NRXN1: variants seen among roughly 807,000 people sequenced by gnomAD.
NRXN1 encodes neurexin 1, also known as neurexin-1.
Under a neutral mutation model 150.9 loss-of-function variants are expected in NRXN1, and 39 were observed. The observed-to-expected ratio is 0.26, with a 90% CI of 0.20 to 0.34. NRXN1 has a LOEUF of 0.34. Ranked by LOEUF, NRXN1 falls within the 10% of genes least tolerant of loss-of-function variation. The probability of loss-of-function intolerance (pLI) is 1.00; values close to 1 mark genes in which losing one functional copy is unlikely to be tolerated. For missense variants in NRXN1, 1,815 were observed against 1,949.9 expected, an observed-to-expected ratio of 0.93 and a Z score of 1.30; for synonymous variants, 924 against 757.0, an observed-to-expected ratio of 1.22 and a Z score of -3.62.
chr2:49,963,074 C>A (rs1307306523), intron 21 of NRXN1, among the ~76,000 whole-genome samples: 1 of 151,998 alleles, frequency 6.6e-6, no homozygotes, highest in African/African-American at 2.4e-5. Context: ...TATTTATATC[C>A]CGAGGATGCT....
intron 21 of NRXN1, among the ~76,000 whole-genome samples, chr2:49,954,418 A>G (rs960030050): frequency 2.0e-5 from 3 of 152,126 alleles, no homozygotes; most frequent in African/African-American, 7.2e-5. Flanking sequence ...CTCTCTCTAA[A>G]TTCTAAGTTC....
intron 5 of NRXN1, among the ~76,000 whole-genome samples, chr2:50,759,554 T>A (rs1038239790): frequency 6.6e-6 from 1 of 151,800 alleles, no homozygotes; most frequent in African/African-American, 2.4e-5. Flanking sequence ...AAGACTCCAA[T>A]GAGACAATTT....
At chr2:50,554,172 G>A (rs966226636) in intron 8 of NRXN1, among the ~76,000 whole-genome samples, 1 of 151,960 alleles carries the variant, frequency 6.6e-6, no homozygotes, top group African/African-American at 2.4e-5. Context: ...ATATGTATAT[G>A]TATACACACA....
chr2:50,157,060 A>T (rs911739970), intron 18 of NRXN1, among the ~76,000 whole-genome samples: 6 of 152,024 alleles, frequency 3.9e-5, no homozygotes, highest in Non-Finnish European at 8.8e-5. Context: ...TAAGTAGCCA[A>T]TTCAAAGACA....
chr2:50,953,649 G>T (rs753687318), intron 2 of NRXN1, among the ~76,000 whole-genome samples: 5 of 150,062 alleles, frequency 3.3e-5, no homozygotes, highest in Non-Finnish European at 7.4e-5. Context: ...ATCTGCCGCT[G>T]CCTCCCAGGT....
chr2:50,217,298 A>G (rs1318130647), intron 18 of NRXN1, among the ~76,000 whole-genome samples: 24 of 152,098 alleles, frequency 1.6e-4, no homozygotes, highest in Admixed American at 1.6e-3. Flanking sequence ...TCTCAATCAC[A>G]TCTTTAAAAA....
chr2:50,756,681 G>A (rs1054850013), intron 5 of NRXN1, among the ~76,000 whole-genome samples: 41 of 151,676 alleles, frequency 2.7e-4, no homozygotes, highest in Admixed American at 2.4e-3. Flanking sequence ...ATTTACATAC[G>A]GAATAGGTGG....
intron 17 of NRXN1, among the ~76,000 whole-genome samples, chr2:50,338,331 T>G (rs1241445697): frequency 6.6e-6 from 1 of 152,124 alleles, no homozygotes; most frequent in Non-Finnish European, 1.5e-5. Context: ...AAATGATCAA[T>G]TTTTCTACTA....
chr2:50,934,707 G>T (rs985878649), intron 2 of NRXN1, among the ~76,000 whole-genome samples: 2 of 151,986 alleles, frequency 1.3e-5, no homozygotes, highest in African/African-American at 2.4e-5. Context: ...ATTCAAAAAA[G>T]GAAATAATTA....
intron 5 of NRXN1, among the ~76,000 whole-genome samples, chr2:50,715,446 T>C (rs1270006055): frequency 1.3e-5 from 2 of 152,186 alleles, no homozygotes; most frequent in Admixed American, 1.3e-4. Flanking sequence ...AATAAGAAAC[T>C]GGATGTAAAA....
intron 21 of NRXN1, among the ~76,000 whole-genome samples, chr2:50,002,652 T>C (rs1684140226): frequency 6.6e-6 from 1 of 152,152 alleles, no homozygotes; most frequent in South Asian, 2.1e-4. Flanking sequence ...TATGTATTAC[T>C]GGCTTTCTGA....
chr2:50,505,142 ATACT>A (rs2092154699), intron 13 of NRXN1, among the ~76,000 whole-genome samples: 1 of 152,178 alleles, frequency 6.6e-6, no homozygotes, highest in South Asian at 2.1e-4. Flanking sequence ...GTCTGATAAA[ATACT>A]TTCTATAGAG....
At chr2:50,506,707 G>T (rs2092242832) in intron 12 of NRXN1, 90 bp from the exon 13 acceptor site, 3 of 1,297,020 alleles carry the variant, frequency 2.3e-6, no homozygotes, top group Non-Finnish European at 3.2e-6. Flanking sequence ...GACAAGGGGG[G>T]AAGGTGAGGG....
chr2:50,561,780 G>C (rs1669120546), intron 8 of NRXN1, among the ~76,000 whole-genome samples: 1 of 149,468 alleles, frequency 6.7e-6, no homozygotes, highest in Non-Finnish European at 1.5e-5. Context: ...AAAAATTGCA[G>C]TAATTTCCCC....
At chr2:50,239,694 A>T (rs2065822988) in intron 17 of NRXN1, among the ~76,000 whole-genome samples, 2 of 105,378 alleles carry the variant, frequency 1.9e-5, no homozygotes, top group African/African-American at 4.0e-5. Flanking sequence ...ATATATATAT[A>T]TATATATATA....
At chr2:50,737,137 T>C (rs142935485) in intron 5 of NRXN1, among the ~76,000 whole-genome samples, 133 of 152,136 alleles carry the variant, frequency 8.7e-4, no homozygotes, top group African/African-American at 3.1e-3. Flanking sequence ...TGCGTGCCTG[T>C]AATCCCAGCT....
In NRXN1 at chr2:50,623,412, A is replaced by C; in HGVS notation, c.1036T>G (p.Leu346Val). ...AGTGCTTCAAAGGCCCCTGATCCCAAATTAATGACCAGAGAGACAGCTCCA... is the reference window on the plus strand; with the variant it reads ...AGTGCTTCAAAGGCCCCTGATCCCACATTAATGACCAGAGAGACAGCTCCA... ...KNGAVSLVINLGSGAFEALVE... is the reference protein window; with the variant it reads ...KNGAVSLVINVGSGAFEALVE... Residue 346 changes from leucine to valine, a missense_variant, in exon 6 of 23, where the codon TTG becomes GTG. Leu to Val is a conservative substitution (Grantham distance 32). This residue lies in a region of NRXN1 where 14 missense variants were observed against 48.4 expected (regional missense o/e 0.29). Transcript: ENST00000401669. The C allele has an allele frequency of 6.2e-7, 1 of 1,613,448 alleles. No homozygotes were observed. The highest frequency in any genetic ancestry group is 8.5e-7 in the Non-Finnish European group (1 of 1,179,518).
chr2:50,619,287 T>C (rs1679559769), intron 8 of NRXN1: 1 of 152,168 alleles, frequency 6.6e-6, no homozygotes, highest in Non-Finnish European at 1.5e-5. Context: ...TTGGATTGTG[T>C]CTGAATGAAT....
At chr2:50,113,996 T>C (rs1286685164) in intron 18 of NRXN1, among the ~76,000 whole-genome samples, 5 of 152,094 alleles carry the variant, frequency 3.3e-5, no homozygotes, top group African/African-American at 1.2e-4. Flanking sequence ...GATCTATATA[T>C]ACAAGTATAT....
Sources: gnomAD v4.1 joint callset for allele counts (sites outside exome capture counted in the v4.1 genomes callset) on GRCh38, gnomAD v4.1.1 for gene constraint, gnomAD v4.1.1 regional missense constraint, MANE v1.5 for transcripts, NCBI Gene and HGNC (gene_info 2026-07-23, HGNC 2026-07-21) for gene names.